The following PHLDB2 variants were observed in gnomAD, a reference collection of about 807,000 sequenced individuals.
PHLDB2 encodes the protein pleckstrin homology-like domain family B member 2.
A neutral mutation model predicts 123.6 loss-of-function variants in PHLDB2; 71 were observed. The ratio of observed to expected loss-of-function variants is 0.57; its 90% CI spans 0.47 to 0.70. The LOEUF (loss-of-function observed/expected upper bound fraction) is 0.70, where lower values mean the gene tolerates loss of function less well. Among genes scored for constraint, PHLDB2 ranks in the 30% least tolerant of loss-of-function variants. PHLDB2 has a pLI of 0.00. For missense variants in PHLDB2, 1,446 were observed against 1,519.5 expected, an observed-to-expected ratio of 0.95 and a Z score of 0.80; for synonymous variants, 547 against 541.6, an observed-to-expected ratio of 1.01 and a Z score of -0.14.
intron 12 of PHLDB2, chr3:111,960,258 A>G (rs1044962145): frequency 2.8e-4 from 97 of 343,500 alleles, no homozygotes; most frequent in Non-Finnish European, 3.7e-4. Context: ...TACCAGCTTC[A>G]TTTAATGCTG....
intron 1 of PHLDB2, among the ~76,000 whole-genome samples, chr3:111,804,631 CT>C (rs2061502790): frequency 6.6e-6 from 1 of 152,218 alleles, no homozygotes; most frequent in African/African-American, 2.4e-5. Context: ...TAGGTTTCTA[CT>C]TTACTCCATG....
At chr3:111,942,336 T>C (rs150231038) in intron 8 of PHLDB2, among the ~76,000 whole-genome samples, 1,536 of 152,372 alleles carry the variant, frequency 0.01, 32 homozygotes, top group African/African-American at 0.034. Flanking sequence ...AAGTTGATGC[T>C]AAAATTTACA....
intron 1 of PHLDB2, among the ~76,000 whole-genome samples, chr3:111,766,514 A>G (rs969491100): frequency 6.6e-6 from 1 of 152,064 alleles, no homozygotes; most frequent in Non-Finnish European, 1.5e-5. Context: ...GCATAAAAAG[A>G]GTTTTGCATG....
At chr3:111,959,259 G>A (rs542922961) in intron 12 of PHLDB2, among the ~76,000 whole-genome samples, 22 of 152,366 alleles carry the variant, frequency 1.4e-4, no homozygotes, top group African/African-American at 4.8e-4. Flanking sequence ...GCCCATGCCC[G>A]TATTGATAAT....
intron 12 of PHLDB2, among the ~76,000 whole-genome samples, chr3:111,955,132 G>T (rs2070963796): frequency 1.1e-5 from 1 of 88,342 alleles, no homozygotes; most frequent in African/African-American, 4.7e-5. Context: ...TGTGTATTGT[G>T]TATGTATATA....
intron 16 of PHLDB2, among the ~76,000 whole-genome samples, chr3:111,972,532 G>A (rs998411167): frequency 1.0e-4 from 11 of 110,196 alleles, no homozygotes; most frequent in Middle Eastern, 9.6e-3. Context: ...CTGATCTCTC[G>A]TTTTTAAGCC....
upstream of PHLDB2, among the ~76,000 whole-genome samples, chr3:111,857,098 G>A (rs993803763): frequency 1.3e-5 from 2 of 152,010 alleles, no homozygotes; most frequent in Non-Finnish European, 2.9e-5. Flanking sequence ...GAGATAGAAC[G>A]GATTTACCTA....
chr3:111,886,800 A>G (rs2066191370), intron 2 of PHLDB2, among the ~76,000 whole-genome samples: 2 of 152,212 alleles, frequency 1.3e-5, no homozygotes, highest in African/African-American at 4.8e-5. Flanking sequence ...ATTACCATAA[A>G]TAATCTCTGC....
At chr3:111,868,206 G>A (rs2065174784) in intron 1 of PHLDB2, among the ~76,000 whole-genome samples, 1 of 151,958 alleles carries the variant, frequency 6.6e-6, no homozygotes. Flanking sequence ...TTTCTGTAGA[G>A]ATGGGGTCTT....
At chr3:111,826,799 G>A (rs1016047245) in intron 1 of PHLDB2, among the ~76,000 whole-genome samples, 16 of 152,092 alleles carry the variant, frequency 1.1e-4, no homozygotes, top group African/African-American at 3.6e-4. Flanking sequence ...CTGAACCAGA[G>A]CCGTCTGAGA....
Position 111,960,019 on chromosome 3 carries a change from T to C in PHLDB2, c.2873-2089T>C, listed in dbSNP as rs773740256. The C allele has an allele frequency of 5.4e-5, 11 of 202,398 alleles. No individual in the cohort carries two copies. The South Asian group carries it at 1.2e-3, about 22-fold the overall frequency. The allele number at this position is 202,398 out of a possible 1,614,324, so 12.5% of individuals were successfully genotyped here. A position where few individuals can be genotyped will look rare whatever the true frequency, so the allele number is the denominator to read the frequency against. On this transcript the variant is annotated intron_variant, in intron 12 of 17. Transcript: ENST00000431670. The stretch of plus-strand genomic sequence containing the variant: ...ATCGTCCATGTAGTTGGTGCCAATG[T>C]GAAACTTTTCTATGCCACAAGCCTT...
At chr3:111,935,250 C>A (rs1325417964) in intron 6 of PHLDB2, among the ~76,000 whole-genome samples, 1 of 151,836 alleles carries the variant, frequency 6.6e-6, no homozygotes, top group African/African-American at 2.4e-5. Context: ...CAGGCACCTG[C>A]CACCATGCCT....
intron 12 of PHLDB2, among the ~76,000 whole-genome samples, chr3:111,961,094 A>T (rs1559924012): frequency 6.6e-6 from 1 of 152,206 alleles, no homozygotes; most frequent in Non-Finnish European, 1.5e-5. Flanking sequence ...GCACTTTGGG[A>T]GGCCGAGGCA....
At chr3:111,774,111 A>G (rs2060225669) in intron 1 of PHLDB2, among the ~76,000 whole-genome samples, 1 of 152,208 alleles carries the variant, frequency 6.6e-6, no homozygotes, top group Admixed American at 6.5e-5. Context: ...CTTCATTCAC[A>G]CAGTGGACTG....
chr3:111,960,694 G>T (rs558400165), intron 12 of PHLDB2, among the ~76,000 whole-genome samples: 1 of 152,246 alleles, frequency 6.6e-6, no homozygotes, highest in Admixed American at 6.5e-5. Context: ...TTCATTGAAA[G>T]GTAGGTAGAG....
At chr3:111,836,036 G>A (rs1276884219) in intron 1 of PHLDB2, among the ~76,000 whole-genome samples, 31 of 152,118 alleles carry the variant, frequency 2.0e-4, no homozygotes, top group Admixed American at 1.8e-3. Flanking sequence ...AAGCCAGTGG[G>A]GCCATTTTTG....
At chr3:111,819,568 T>C (rs1034251965) in intron 1 of PHLDB2, among the ~76,000 whole-genome samples, 1 of 152,216 alleles carries the variant, frequency 6.6e-6, no homozygotes, top group African/African-American at 2.4e-5. Context: ...TCTTCTTTTC[T>C]TTTTGAGAGA....
chr3:111,827,821 A>G (rs9878397), intron 1 of PHLDB2, among the ~76,000 whole-genome samples: 152,249 of 152,262 alleles, frequency 1, 76,118 homozygotes, highest in Non-Finnish European at 1. Context: ...GAGCTTCTGT[A>G]GGTAGAGTCT....
intron 1 of PHLDB2, among the ~76,000 whole-genome samples, chr3:111,879,940 T>G (rs748321896): frequency 2.0e-5 from 3 of 151,782 alleles, no homozygotes; most frequent in Non-Finnish European, 2.9e-5. Context: ...GTATTAGCTG[T>G]TGAATTTCCT....
Sources: allele counts gnomAD v4.1 joint callset (sites outside exome capture counted in the v4.1 genomes callset), GRCh38; gene constraint gnomAD v4.1.1; transcripts MANE v1.5; gene names NCBI Gene and HGNC (gene_info 2026-07-23, HGNC 2026-07-21).